Variants in DSCAML1 observed in about 807,000 individuals in gnomAD.
The protein encoded by DSCAML1 is cell adhesion molecule DSCAML1.
DSCAML1 carries 38 observed loss-of-function variants against 200.5 expected under a neutral mutation model. The observed-to-expected ratio is 0.19, with a 90% CI of 0.15 to 0.25. The LOEUF (loss-of-function observed/expected upper bound fraction) is 0.25, where lower values mean the gene tolerates loss of function less well. Among genes scored for constraint, DSCAML1 ranks in the 10% least tolerant of loss-of-function variants. The pLI, the probability that DSCAML1 is intolerant of heterozygous loss-of-function variation, is 1.00. For synonymous variants in DSCAML1, 1,215 were observed against 1,165.0 expected, an observed-to-expected ratio of 1.04 and a Z score of -0.87; for missense variants, 2,223 against 2,858.8, an observed-to-expected ratio of 0.78 and a Z score of 5.07.
chr11:117,516,428 T>A lies in DSCAML1; in HGVS notation c.1783+39A>T, dbSNP rs201696680. 137 of 1,589,660 alleles carry A rather than the reference T, an allele frequency of 8.6e-5. No individual in the cohort carries two copies. The African/African-American group carries it at 1.6e-3, about 19-fold the overall frequency. ...GGAAAGGCCCACGCATCCTGGGTGG[T>A]CAGGCGGGCAGGGGCCCTGGCTGGT... is the stretch of plus-strand genomic sequence containing the variant. On this transcript the variant is annotated intron_variant, in intron 8 of 32. Transcript: ENST00000651296. The surrounding 1 kb of genome is among the most constrained non-coding windows in gnomAD (Gnocchi z 5.7).
chr11:117,552,881 G>A (rs559849215), intron 3 of DSCAML1, among the ~76,000 whole-genome samples: 15 of 152,168 alleles, frequency 9.9e-5, no homozygotes, highest in Non-Finnish European at 1.6e-4. Context: ...GCACAGACCC[G>A]AGTGTCTGCT....
intron 3 of DSCAML1, among the ~76,000 whole-genome samples, chr11:117,663,919 C>T (rs2052919248): frequency 6.6e-6 from 1 of 152,356 alleles, no homozygotes; most frequent in African/African-American, 2.4e-5. Context: ...CTCCCCTGCT[C>T]TTCCAAAGAG....
intron 3 of DSCAML1, among the ~76,000 whole-genome samples, chr11:117,699,612 A>G (rs1369982726): frequency 6.6e-6 from 1 of 151,962 alleles, no homozygotes; most frequent in East Asian, 1.9e-4. Context: ...TCACACCAAG[A>G]CCCGGAGCTC....
intron 3 of DSCAML1, among the ~76,000 whole-genome samples, chr11:117,727,027 A>G (rs938919787): frequency 3.3e-5 from 5 of 152,188 alleles, no homozygotes; most frequent in African/African-American, 1.2e-4. Flanking sequence ...TGTGTGCCAG[A>G]TAGTACACTG....
chr11:117,429,734 C>T (rs1470124490), intron 32 of DSCAML1, among the ~76,000 whole-genome samples: 3 of 152,190 alleles, frequency 2.0e-5, no homozygotes, highest in Non-Finnish European at 4.4e-5. Context: ...CACCGCCTGA[C>T]CCCCCGTGCT....
chr11:117,757,650 A>T (rs892734547), intron 3 of DSCAML1, among the ~76,000 whole-genome samples: 1 of 151,562 alleles, frequency 6.6e-6, no homozygotes, highest in Non-Finnish European at 1.5e-5. Context: ...TCATATTAGG[A>T]TCTTTTTCTC....
intron 3 of DSCAML1, among the ~76,000 whole-genome samples, chr11:117,719,329 G>C (rs1163517630): frequency 2.0e-5 from 3 of 152,172 alleles, no homozygotes; most frequent in African/African-American, 7.2e-5. Context: ...GATGGTGCAA[G>C]CCTACTCAGG....
At position 117,780,867 on chromosome 11, in the gene DSCAML1, T is replaced by A; in HGVS notation, c.47-57A>T. 7.4e-7 allele frequency: 1 copy of A among 1,348,502 alleles called. No homozygotes were observed. Among genetic ancestry groups the A allele is most frequent in the Non-Finnish European group, 9.6e-7 (1 of 1,043,686 alleles). 83.5% of individuals were successfully genotyped at this position (1,348,502 alleles called of 1,614,324 possible). ...AGCATGGGCTCTAACAATACCCATA[T>A]AAGCCACGGAGGCTTGCGACAGGCT... On this transcript the variant is annotated intron_variant, in intron 1 of 32. Transcript: ENST00000651296. This position sits in a 1 kb window ranked among gnomAD's most constrained non-coding sequence, Gnocchi z 4.8.
intron 1 of DSCAML1, among the ~76,000 whole-genome samples, chr11:117,811,991 T>C (rs1248403155): frequency 2.6e-5 from 4 of 152,196 alleles, no homozygotes; most frequent in Non-Finnish European, 4.4e-5. Flanking sequence ...CACTCTTTTA[T>C]GCACTCTTTT....
chr11:117,736,327 G>T (rs1400783094), intron 3 of DSCAML1, among the ~76,000 whole-genome samples: 6 of 152,192 alleles, frequency 3.9e-5, no homozygotes, highest in Admixed American at 6.5e-5. Context: ...CTCACCATGT[G>T]GGCATCTCAA....
At chr11:117,434,907 A>G (rs1403966882) in intron 27 of DSCAML1, among the ~76,000 whole-genome samples, 3 of 152,230 alleles carry the variant, frequency 2.0e-5, no homozygotes, top group African/African-American at 2.4e-5. Flanking sequence ...AGCATTAGTC[A>G]TTCCCTCTTC....
At chr11:117,683,850 AT>A (rs1262907907) in intron 3 of DSCAML1, among the ~76,000 whole-genome samples, 1 of 152,136 alleles carries the variant, frequency 6.6e-6, no homozygotes, top group Non-Finnish European at 1.5e-5. Context: ...AGCTGTCATA[AT>A]TTTATCACAC....
intron 11 of DSCAML1, among the ~76,000 whole-genome samples, chr11:117,491,678 G>C (rs1204704919): frequency 6.6e-6 from 1 of 152,242 alleles, no homozygotes; most frequent in Admixed American, 6.5e-5. Flanking sequence ...GGAGGCTGAG[G>C]TGGGAGGATT....
chr11:117,446,350 G>A (rs1592590705), intron 20 of DSCAML1, among the ~76,000 whole-genome samples: 1 of 151,836 alleles, frequency 6.6e-6, no homozygotes, highest in Non-Finnish European at 1.5e-5. Context: ...GGCAATAAGA[G>A]TGAAACTCTG....
intron 3 of DSCAML1, among the ~76,000 whole-genome samples, chr11:117,721,267 ACTT>A (rs1285477456): frequency 1.3e-5 from 2 of 152,214 alleles, no homozygotes; most frequent in Non-Finnish European, 2.9e-5. Context: ...GCTAGAAAGA[ACTT>A]CTTCTCAACT....
At chr11:117,708,477 C>T (rs1352796822) in intron 3 of DSCAML1, among the ~76,000 whole-genome samples, 1 of 152,212 alleles carries the variant, frequency 6.6e-6, no homozygotes, top group Non-Finnish European at 1.5e-5. Context: ...CCTCAATTTT[C>T]TCTCCTGTAA....
chr11:117,435,892 T>A, intron 26 of DSCAML1, 93 bp from the exon 27 acceptor site: 1 of 1,412,252 alleles, frequency 7.1e-7, no homozygotes, highest in Non-Finnish European at 9.5e-7. Flanking sequence ...TGACCTCTCT[T>A]GCTGCCCTTG....
At chr11:117,663,029 C>A (rs7110820) in intron 3 of DSCAML1, among the ~76,000 whole-genome samples, 968 of 67,508 alleles carry the variant, frequency 0.014, 13 homozygotes, top group African/African-American at 0.06. Context: ...CATCCACTTG[C>A]CCCCCGGAGA....
At chr11:117,650,780 G>A (rs1032294232) in intron 3 of DSCAML1, among the ~76,000 whole-genome samples, 6 of 151,798 alleles carry the variant, frequency 4.0e-5, no homozygotes, top group African/African-American at 1.5e-4. Context: ...GGTGGTTGAG[G>A]GCTGCTCAGG....
Sources: gnomAD v4.1 joint callset for allele counts (sites outside exome capture counted in the v4.1 genomes callset) on GRCh38, gnomAD v4.1.1 for gene constraint, Gnocchi (gnomAD v3.1) non-coding constraint, MANE v1.5 for transcripts, NCBI Gene and HGNC (gene_info 2026-07-23, HGNC 2026-07-21) for gene names.